SCO1: variants seen among roughly 807,000 people sequenced by gnomAD.
SCO1 encodes cytochrome c oxidase assembly factor SCO1.
Under a neutral mutation model 34.0 loss-of-function variants are expected in SCO1, and 23 were observed. The ratio of observed to expected loss-of-function variants is 0.68; its 90% CI spans 0.49 to 0.96. SCO1 has a LOEUF of 0.96. Ranked by LOEUF, SCO1 falls within the 40% of genes least tolerant of loss-of-function variation. The probability of loss-of-function intolerance (pLI) is 0.00; values close to 1 mark genes in which losing one functional copy is unlikely to be tolerated. For synonymous variants in SCO1, 161 were observed against 145.5 expected, an observed-to-expected ratio of 1.11 and a Z score of -0.77; for missense variants, 404 against 381.6, an observed-to-expected ratio of 1.06 and a Z score of -0.49.
Position 10,676,195 on chromosome 17 carries a change from G to A in SCO1, c.*4924C>T, listed in dbSNP as rs1014826611. ...CAACCTCCGCCTCCCAGATTCACAC[G>A]ATTCTCCTACCTCAGCCTCCCGAGT... On this transcript the variant is annotated 3_prime_UTR_variant, in exon 6 of 6. Transcript: ENST00000255390. The A allele has an allele frequency of 2.6e-5, 4 of 152,170 alleles. No homozygotes were observed. The highest frequency in any genetic ancestry group is 7.2e-5 in the African/African-American group (3 of 41,502). The allele number at this position is 152,170 out of a possible 1,614,324, so 9.4% of individuals were successfully genotyped here.
rs770775754 is a variant in SCO1 at position 10,681,118 on chromosome 17, G to T, written c.*1C>A. ...TACTGCATCCAGCAACACTGCTTTGGCTAGCTCTTTTTTCTGTATGGCCTC... is the reference window on the plus strand; with the variant it reads ...TACTGCATCCAGCAACACTGCTTTGTCTAGCTCTTTTTTCTGTATGGCCTC... On this transcript the variant is annotated 3_prime_UTR_variant, in exon 6 of 6. Coordinates refer to ENST00000255390, the MANE Select transcript of SCO1 (RefSeq NM_004589.4). 2 of 1,614,150 alleles carry T rather than the reference G, an allele frequency of 1.2e-6. No individual in the cohort carries two copies. Among genetic ancestry groups the T allele is most frequent in the Admixed American group, 3.3e-5 (2 of 60,016 alleles).
At position 10,673,462 on chromosome 17, in the gene SCO1, A is replaced by G. The variant is rs145258992; in HGVS notation, c.*7657T>C. On this transcript the variant is annotated 3_prime_UTR_variant, in exon 6 of 6. Transcript: ENST00000255390. ...TGGTACAGGGAAAAGTGAGCCATAC[A>G]AAGGCCTGCCCTGCTTCGGGCACTG... is the stretch of plus-strand genomic sequence containing the variant. The G allele has an allele frequency of 2.0e-5, 3 of 152,362 alleles. No homozygotes were observed. Among genetic ancestry groups the G allele is most frequent in the South Asian group, 4.1e-4 (2 of 4,826 alleles). 9.4% of individuals were successfully genotyped at this position (152,362 alleles called of 1,614,324 possible).
At chr17:10,696,071 T>TAAAAAAAAAAAA (rs869243005) in intron 1 of SCO1, among the ~76,000 whole-genome samples, 3 of 73,022 alleles carry the variant, frequency 4.1e-5, no homozygotes, top group Non-Finnish European at 7.6e-5. Context: ...TTCATGTAAA[T>TAAAAAAAAAAAA]AAAAAAAAAA....
chr17:10,691,270 A>G (rs571342263), intron 4 of SCO1, among the ~76,000 whole-genome samples: 33 of 152,156 alleles, frequency 2.2e-4, no homozygotes, highest in Non-Finnish European at 4.0e-4. Flanking sequence ...ATAGGTGTGC[A>G]CCACCGTGCC....
intron 4 of SCO1, among the ~76,000 whole-genome samples, chr17:10,691,501 T>C (rs1056165584): frequency 6.6e-6 from 1 of 152,240 alleles, no homozygotes; most frequent in Non-Finnish European, 1.5e-5. Context: ...AATCTACCAA[T>C]GAACATACTT....
rs908496328 is a variant in SCO1 at position 10,688,844 on chromosome 17, C to T, written c.656-2002G>A. On this transcript the variant is annotated intron_variant, in intron 4 of 5. Transcript: ENST00000255390. ...AGAAAGCAGTTCTGCAGGCCGGGCG[C>T]GGTGGCTCACGCCTGTAATCCCAGC... 2.1e-5 allele frequency among the ~76,000 whole-genome samples: 3 copies of T among 141,006 alleles called. No homozygotes were observed. The East Asian group carries it at 5.8e-4, about 27-fold the overall frequency. The allele number at this position is 141,006 out of a possible 152,430, so 92.5% of individuals were successfully genotyped here.
Position 10,679,521 on chromosome 17 carries a change from C to A in SCO1, c.*1598G>T, listed in dbSNP as rs1435504886. 1.3e-5 allele frequency: 2 copies of A among 152,104 alleles called. No homozygotes were observed. Among genetic ancestry groups the A allele is most frequent in the African/African-American group, 4.8e-5 (2 of 41,420 alleles). The allele number at this position is 152,104 out of a possible 1,614,324, so 9.4% of individuals were successfully genotyped here. ...CTATCATGTGCGTGTAGAAACATAT[C>A]ATGTAAAAAGAATCTGTTGTCTATC... On this transcript the variant is annotated 3_prime_UTR_variant, in exon 6 of 6. Coordinates refer to ENST00000255390, the MANE Select transcript of SCO1 (RefSeq NM_004589.4).
chr17:10,678,020 CAGG>C lies in SCO1; in HGVS notation c.*3096_*3098del, dbSNP rs1235230881. The C allele has an allele frequency of 6.6e-6, 1 of 152,276 alleles. No homozygotes were observed. The allele number at this position is 152,276 out of a possible 1,614,324, so 9.4% of individuals were successfully genotyped here. On this transcript the variant is annotated 3_prime_UTR_variant, in exon 6 of 6. Transcript: ENST00000255390. ...ATCCCAGCTACTTGGGAGGCTGAGG[CAGG>C]AGAATTGCTTGAACCTGGGAGGTGG...
Position 10,673,466 on chromosome 17 carries a change from G to C in SCO1, c.*7653C>G, listed in dbSNP as rs2074560421. On this transcript the variant is annotated 3_prime_UTR_variant, in exon 6 of 6. Coordinates refer to ENST00000255390, the MANE Select transcript of SCO1 (RefSeq NM_004589.4). ...ACAGGGAAAAGTGAGCCATACAAAGGCCTGCCCTGCTTCGGGCACTGAACG... is the reference window on the plus strand; with the variant it reads ...ACAGGGAAAAGTGAGCCATACAAAGCCCTGCCCTGCTTCGGGCACTGAACG... 6.6e-6 allele frequency: 1 copy of C among 152,232 alleles called. No individual in the cohort carries two copies. The highest frequency in any genetic ancestry group is 6.5e-5 in the Admixed American group (1 of 15,276). 9.4% of individuals were successfully genotyped at this position (152,232 alleles called of 1,614,324 possible). A position where few individuals can be genotyped will look rare whatever the true frequency, so the allele number is the denominator to read the frequency against.
chr17:10,692,724 G>C, intron 3 of SCO1, 40 bp downstream of exon 3: 5 of 1,513,856 alleles, frequency 3.3e-6, no homozygotes, highest in Non-Finnish European at 4.6e-6. Flanking sequence ...GTAACATGAA[G>C]TAAACATATA....
At position 10,691,931 on chromosome 17, in the gene SCO1, A is replaced by G; in HGVS notation, c.596T>C (p.Leu199Pro). ...CCTCTCTGGGTCAATGCTGATGAAA[A>G]GTGGAGTTAGATCTGGCAGAGTTGT... ...SITTLPDLTP[L>P]FISIDPERDT... The change falls in exon 4 of 6, where the codon CTT becomes CCT. Residue 199 changes from leucine to proline, a missense_variant. Transcript: ENST00000255390. 6.2e-7 allele frequency: 1 copy of G among 1,613,710 alleles called. No individual in the cohort carries two copies. The highest frequency in any genetic ancestry group is 8.5e-7 in the Non-Finnish European group (1 of 1,179,606).
In SCO1 at chr17:10,686,841, T is replaced by A; in HGVS notation, c.657A>T (p.Glu219Asp). The change falls in exon 5 of 6, where the codon GAA becomes GAT. Residue 219 changes from glutamate (E) to aspartate (D), a missense_variant and splice_region_variant. By Grantham distance (45) the Glu-to-Asp change is conservative (BLOSUM62 2). Coordinates refer to ENST00000255390, the MANE Select transcript of SCO1 (RefSeq NM_004589.4). Reference protein sequence around the residue: ...TKEAIANYVKEFSPKLVGLTG... With the variant: ...TKEAIANYVKDFSPKLVGLTG... ...TCAAGCCAACCAGTTTGGGAGAAAA[T>A]TCTAAATAAAAAATGAGAGAGACAG... is the stretch of plus-strand genomic sequence containing the variant. The A allele has an allele frequency of 6.2e-7, 1 of 1,604,772 alleles. No homozygotes were observed.
At chr17:10,685,972 A>C (rs113090407) in intron 5 of SCO1, among the ~76,000 whole-genome samples, 11 of 152,330 alleles carry the variant, frequency 7.2e-5, no homozygotes, top group African/African-American at 1.4e-4. Flanking sequence ...TCAGGCCTGT[A>C]ATCCCAGCAC....
intron 4 of SCO1, among the ~76,000 whole-genome samples, chr17:10,688,240 A>G (rs1359781479): frequency 6.6e-6 from 1 of 152,234 alleles, no homozygotes; most frequent in Non-Finnish European, 1.5e-5. Context: ...CTGGCAGAAA[A>G]TATTTGCAAA....
chr17:10,693,572 T>G (rs1035093908), intron 2 of SCO1, among the ~76,000 whole-genome samples: 4 of 152,160 alleles, frequency 2.6e-5, no homozygotes, highest in Non-Finnish European at 5.9e-5. Flanking sequence ...TGTACATAAA[T>G]ATATCTATTT....
intron 5 of SCO1, among the ~76,000 whole-genome samples, chr17:10,684,483 T>TCC (rs1190380465): frequency 6.6e-6 from 1 of 152,238 alleles, no homozygotes; most frequent in Non-Finnish European, 1.5e-5. Context: ...CAAAACCCCC[T>TCC]CCCTTCTTGC....
chr17:10,674,818 G>C lies in SCO1; in HGVS notation c.*6301C>G, dbSNP rs2074570166. 1 of 152,340 alleles carries C rather than the reference G, an allele frequency of 6.6e-6. No homozygotes were observed. The highest frequency in any genetic ancestry group is 2.1e-4 in the South Asian group (1 of 4,836). The allele number at this position is 152,340 out of a possible 1,614,324, so 9.4% of individuals were successfully genotyped here. A position where few individuals can be genotyped will look rare whatever the true frequency, so the allele number is the denominator to read the frequency against. ...CTTACCTTTGCATCATCCTTGAATGGAAAAAGGATCACGGGCTGCCAACTG... is the reference window on the plus strand; with the variant it reads ...CTTACCTTTGCATCATCCTTGAATGCAAAAAGGATCACGGGCTGCCAACTG... On this transcript the variant is annotated 3_prime_UTR_variant, in exon 6 of 6. Coordinates refer to ENST00000255390, the MANE Select transcript of SCO1 (RefSeq NM_004589.4).
chr17:10,683,888 A>T (rs2074637760), intron 5 of SCO1: 1 of 152,144 alleles, frequency 6.6e-6, no homozygotes. Context: ...ACTTCATTCC[A>T]TTACATCTCA....
intron 4 of SCO1, among the ~76,000 whole-genome samples, chr17:10,691,075 A>G (rs2074686644): frequency 1.3e-5 from 2 of 152,336 alleles, no homozygotes; most frequent in East Asian, 1.9e-4. Context: ...ATAAATATGT[A>G]CAACTGTTAT....
Sources: allele counts gnomAD v4.1 joint callset (sites outside exome capture counted in the v4.1 genomes callset), GRCh38; gene constraint gnomAD v4.1.1; transcripts MANE v1.5; gene names NCBI Gene and HGNC (gene_info 2026-07-23, HGNC 2026-07-21).